The following CHURC1 variants were observed in gnomAD, a reference collection of about 807,000 sequenced individuals.
CHURC1 encodes the protein protein Churchill.
In CHURC1, 12 loss-of-function variants were observed where a neutral mutation model predicts 15.4. That is an observed-to-expected ratio of 0.78 (90% confidence interval 0.50 to 1.27). CHURC1 has a LOEUF of 1.27. Ranked by LOEUF, CHURC1 falls within the 50% of genes most tolerant of loss-of-function variation. The probability of loss-of-function intolerance (pLI) is 0.00; values close to 1 mark genes in which losing one functional copy is unlikely to be tolerated. For missense variants in CHURC1, 132 were observed against 137.8 expected (o/e 0.96, Z 0.21); for synonymous variants, 42 against 47.5 (o/e 0.88, Z 0.48).
At position 64,932,545 on chromosome 14, in the gene CHURC1, A is replaced by G. The variant is rs8943; in HGVS notation, c.*315A>G. The G allele has an allele frequency of 0.23, 195,355 of 861,092 alleles. 23,525 individuals are homozygous for G. The highest frequency in any genetic ancestry group is 0.39 in the African/African-American group (21,860 of 55,892). The allele number at this position is 861,092 out of a possible 1,614,324, so 53.3% of individuals were successfully genotyped here. The stretch of plus-strand genomic sequence containing the variant: ...TTGGTTTCCAATAAAAGGAACCAGG[A>G]CTCCTTAGAAAATGAACTGATTCTA... On this transcript the variant is annotated 3_prime_UTR_variant, in exon 4 of 4. Coordinates refer to ENST00000549115, the MANE Select transcript of CHURC1 (RefSeq NM_001386928.1).
In CHURC1 at chr14:64,922,792, A is replaced by G. The variant is rs1041271257; in HGVS notation, c.40-1199A>G. Reference sequence around the variant, plus strand: ...AGATTCCTCAATATATAGAAGGGAGAGATTAATTCTCCCACCAGAATTAAT... The same window carrying G: ...AGATTCCTCAATATATAGAAGGGAGGGATTAATTCTCCCACCAGAATTAAT... On this transcript the variant is annotated intron_variant, in intron 1 of 3. Transcript: ENST00000549115. Among the ~76,000 whole-genome samples the G allele has an allele frequency of 1.5e-4, 23 of 152,050 alleles. 1 individual carries two copies. The highest frequency in any genetic ancestry group is 4.6e-4 in the African/African-American group (19 of 41,406).
In CHURC1 at chr14:64,933,269, A is replaced by G. The variant is rs920344739; in HGVS notation, c.*1039A>G. 3.7e-6 allele frequency: 2 copies of G among 546,956 alleles called. No homozygotes were observed. The highest frequency in any genetic ancestry group is 4.7e-6 in the Non-Finnish European group (2 of 428,790). The allele number at this position is 546,956 out of a possible 1,614,324, so 33.9% of individuals were successfully genotyped here. ...ACATGACTGCTAGATGTAATGTGGT[A>G]TCCTACATGGAATTATATACCACGA... On this transcript the variant is annotated 3_prime_UTR_variant, in exon 4 of 4. Coordinates refer to ENST00000549115, the MANE Select transcript of CHURC1 (RefSeq NM_001386928.1).
rs6745 is a variant in CHURC1 at position 64,934,977 on chromosome 14, C to T, written c.*2747C>T. 3.7e-5 allele frequency: 36 copies of T among 983,680 alleles called. No homozygotes were observed. The South Asian group carries it at 5.2e-4, about 14-fold the overall frequency. 60.9% of individuals were successfully genotyped at this position (983,680 alleles called of 1,614,324 possible). A position where few individuals can be genotyped will look rare whatever the true frequency, so the allele number is the denominator to read the frequency against. On this transcript the variant is annotated 3_prime_UTR_variant, in exon 4 of 4. Transcript: ENST00000549115. ...CTAGATTCTTATGTGGATCTAATAA[C>T]GACCACTTGAACCCAGTTTCACAGA...
Position 64,932,270 on chromosome 14 carries a change from T to C in CHURC1, c.*40T>C, listed in dbSNP as rs1260162270. 6.2e-7 allele frequency: 1 copy of C among 1,603,914 alleles called. No individual in the cohort carries two copies. The highest frequency in any genetic ancestry group is 2.2e-5 in the East Asian group (1 of 44,758). On this transcript the variant is annotated 3_prime_UTR_variant, in exon 4 of 4. Coordinates refer to ENST00000549115, the MANE Select transcript of CHURC1 (RefSeq NM_001386928.1). ...ATCTGTTATAACTATATTGTGTTGG[T>C]TTACAATACAGCAAGCCTGATGGTT...
intron 1 of CHURC1, among the ~76,000 whole-genome samples, chr14:64,917,537 T>A (rs1455078291): frequency 6.6e-6 from 1 of 152,190 alleles, no homozygotes. Flanking sequence ...CTCTCCACCA[T>A]GGGTGACAAG....
At chr14:64,917,868 G>A (rs1883999833) in intron 1 of CHURC1, among the ~76,000 whole-genome samples, 1 of 152,194 alleles carries the variant, frequency 6.6e-6, no homozygotes, top group Non-Finnish European at 1.5e-5. Context: ...AGGCATATGG[G>A]AAGAAAAAAC....
intron 1 of CHURC1, among the ~76,000 whole-genome samples, chr14:64,916,754 A>G (rs766959554): frequency 2.6e-5 from 4 of 151,706 alleles, no homozygotes; most frequent in Admixed American, 1.3e-4. Flanking sequence ...ATTTTTTTGT[A>G]TTTTTAGTAG....
intron 1 of CHURC1, among the ~76,000 whole-genome samples, chr14:64,920,433 C>T (rs929652032): frequency 6.6e-6 from 1 of 152,152 alleles, no homozygotes; most frequent in Non-Finnish European, 1.5e-5. Context: ...TTTACTTTCC[C>T]AAATTTGGAT....
intron 1 of CHURC1, among the ~76,000 whole-genome samples, chr14:64,919,950 G>A (rs536632741): frequency 6.6e-6 from 1 of 151,716 alleles, no homozygotes; most frequent in Non-Finnish European, 1.5e-5. Flanking sequence ...CAAGCAGAAG[G>A]AAGGAAATAA....
intron 3 of CHURC1, among the ~76,000 whole-genome samples, chr14:64,930,585 T>G (rs1290318372): frequency 1.3e-5 from 2 of 152,204 alleles, no homozygotes; most frequent in South Asian, 4.1e-4. Flanking sequence ...CTTGCCAGAT[T>G]ATATGTTAGG....
At chr14:64,928,393 A>T (rs1317583983) in intron 3 of CHURC1, among the ~76,000 whole-genome samples, 2 of 152,110 alleles carry the variant, frequency 1.3e-5, no homozygotes, top group Non-Finnish European at 2.9e-5. Context: ...GACTACAGGC[A>T]CTAGCCTCTG....
chr14:64,920,709 CTG>C lies in CHURC1; in HGVS notation c.40-3279_40-3278del, dbSNP rs1352198866. On this transcript the variant is annotated intron_variant, in intron 1 of 3. Coordinates refer to ENST00000549115, the MANE Select transcript of CHURC1 (RefSeq NM_001386928.1). ...GCCACGTTGTGCAAGGAACCTGTGT[CTG>C]TGGATGCAGTCCAGTTCAGAGTTAT... is the stretch of plus-strand genomic sequence containing the variant. 3.3e-5 allele frequency among the ~76,000 whole-genome samples: 5 copies of C among 152,352 alleles called. No individual in the cohort carries two copies. The East Asian group carries it at 9.6e-4, about 29-fold the overall frequency.
At position 64,934,324 on chromosome 14, in the gene CHURC1, G is replaced by A. The variant is rs777699785; in HGVS notation, c.*2094G>A. The A allele has an allele frequency of 1.5e-6, 1 of 665,422 alleles. No individual in the cohort carries two copies. The highest frequency in any genetic ancestry group is 1.9e-6 in the Non-Finnish European group (1 of 537,624). The allele number at this position is 665,422 out of a possible 1,614,324, so 41.2% of individuals were successfully genotyped here. On this transcript the variant is annotated 3_prime_UTR_variant, in exon 4 of 4. Transcript: ENST00000549115. ...GGTCATGCCACTGCACTCCAGCCTG[G>A]GAGACAGAGCAAGACTCCATCTCAA...
intron 3 of CHURC1, among the ~76,000 whole-genome samples, chr14:64,929,831 G>A (rs148307913): frequency 1.1e-3 from 172 of 152,064 alleles, no homozygotes; most frequent in African/African-American, 3.9e-3. Flanking sequence ...ATTTTCTGAT[G>A]GCAAGACTAG....
At chr14:64,916,836 C>CCAAAGTG (rs900401062) in intron 1 of CHURC1, among the ~76,000 whole-genome samples, 1 of 152,116 alleles carries the variant, frequency 6.6e-6, no homozygotes, top group Non-Finnish European at 1.5e-5. Flanking sequence ...CCTCGGCCTC[C>CCAAAGTG]CAAAGTGCTA....
rs561665587 is a variant in CHURC1 at position 64,927,890 on chromosome 14, G to A, written c.246+1810G>A. Among the ~76,000 whole-genome samples the A allele has an allele frequency of 2.0e-5, 3 of 152,180 alleles. No individual in the cohort carries two copies. The East Asian group carries it at 5.8e-4, about 29-fold the overall frequency. Reference sequence around the variant, plus strand: ...GTTTGAGTACAGTCTGGGCAACATAGTGAGACCCTGTCTCTACTAAAAAGT... The same window carrying A: ...GTTTGAGTACAGTCTGGGCAACATAATGAGACCCTGTCTCTACTAAAAAGT... On this transcript the variant is annotated intron_variant, in intron 3 of 3. Coordinates refer to ENST00000549115, the MANE Select transcript of CHURC1 (RefSeq NM_001386928.1).
chr14:64,916,703 G>A (rs1250026988), intron 1 of CHURC1, among the ~76,000 whole-genome samples: 2 of 151,898 alleles, frequency 1.3e-5, no homozygotes, highest in African/African-American at 2.4e-5. Flanking sequence ...TCAGCCTCCC[G>A]AGTAGCTCGG....
chr14:64,933,484 T>C lies in CHURC1; in HGVS notation c.*1254T>C. ...AGGCCTCTCTGCCATTTAGTAGCAG[T>C]ATAGTCATTAAGCAAAGCATTACTC... On this transcript the variant is annotated 3_prime_UTR_variant, in exon 4 of 4. Coordinates refer to ENST00000549115, the MANE Select transcript of CHURC1 (RefSeq NM_001386928.1). 1.0e-6 allele frequency: 1 copy of C among 985,236 alleles called. No individual in the cohort carries two copies. Among genetic ancestry groups the C allele is most frequent in the Non-Finnish European group, 1.2e-6 (1 of 829,712 alleles). The allele number at this position is 985,236 out of a possible 1,614,324, so 61.0% of individuals were successfully genotyped here.
chr14:64,926,210 C>CTTT, intron 3 of CHURC1, 130 bp downstream of exon 3: 1 of 329,382 alleles, frequency 3.0e-6, no homozygotes, highest in Non-Finnish European at 4.9e-6. Context: ...GGAGACTATG[C>CTTT]CTTTTTTTTT....
Sources: gnomAD v4.1 joint callset for allele counts (sites outside exome capture counted in the v4.1 genomes callset) on GRCh38, gnomAD v4.1.1 for gene constraint, MANE v1.5 for transcripts, NCBI Gene and HGNC (gene_info 2026-07-23, HGNC 2026-07-21) for gene names.